Variants in MAGI1 observed in about 807,000 individuals in gnomAD.
The protein encoded by MAGI1 is membrane associated guanylate kinase, WW and PDZ domain containing 1.
Under a neutral mutation model 139.9 loss-of-function variants are expected in MAGI1, and 58 were observed. The ratio of observed to expected loss-of-function variants is 0.41; its 90% CI spans 0.34 to 0.52. The LOEUF (loss-of-function observed/expected upper bound fraction) is 0.52, where lower values mean the gene tolerates loss of function less well. Ranked by LOEUF, MAGI1 falls within the 20% of genes least tolerant of loss-of-function variation. MAGI1 has a pLI of 0.12. For synonymous variants in MAGI1, 812 were observed against 737.9 expected (o/e 1.10, Z -1.63); for missense variants, 1,874 against 1,901.6 (o/e 0.99, Z 0.27).
intron 1 of MAGI1, among the ~76,000 whole-genome samples, chr3:65,992,453 A>G (rs1195584299): frequency 3.5e-5 from 2 of 57,944 alleles, no homozygotes; most frequent in Non-Finnish European, 8.1e-5. Context: ...CCTGAGCAAA[A>G]AACAGTGAAC....
At chr3:65,854,174 T>C (rs922356200) in intron 1 of MAGI1, among the ~76,000 whole-genome samples, 3 of 113,072 alleles carry the variant, frequency 2.7e-5, no homozygotes, top group African/African-American at 1.1e-4. Flanking sequence ...TATTTAAAGG[T>C]TTAAAAAAAA....
chr3:65,714,254 C>A (rs996563652), intron 1 of MAGI1, among the ~76,000 whole-genome samples: 1 of 152,162 alleles, frequency 6.6e-6, no homozygotes, highest in Non-Finnish European at 1.5e-5. Context: ...ATGGCCCTGA[C>A]CCCTGAATGT....
chr3:65,604,865 A>C (rs890792991), intron 2 of MAGI1, among the ~76,000 whole-genome samples: 1 of 152,214 alleles, frequency 6.6e-6, no homozygotes, highest in African/African-American at 2.4e-5. Flanking sequence ...CAGATGTGGA[A>C]CATTTTCCTT....
At chr3:65,974,463 C>T (rs530180207) in intron 1 of MAGI1, among the ~76,000 whole-genome samples, 1 of 151,536 alleles carries the variant, frequency 6.6e-6, no homozygotes, top group East Asian at 1.9e-4. Context: ...CTTATGTTGC[C>T]AGTTTGTATC....
At chr3:65,939,119 C>T (rs928669921) in intron 1 of MAGI1, among the ~76,000 whole-genome samples, 4 of 152,118 alleles carry the variant, frequency 2.6e-5, no homozygotes, top group African/African-American at 7.2e-5. Flanking sequence ...TTTGAACTAA[C>T]ATGGATTATG....
intron 1 of MAGI1, among the ~76,000 whole-genome samples, chr3:65,752,893 C>T (rs957387435): frequency 6.6e-6 from 1 of 152,158 alleles, no homozygotes; most frequent in Non-Finnish European, 1.5e-5. Context: ...AGTCATTTTC[C>T]ACCCACTGAC....
chr3:65,651,550 A>G (rs9838258), intron 1 of MAGI1, among the ~76,000 whole-genome samples: 8,961 of 152,154 alleles, frequency 0.059, 882 homozygotes, highest in African/African-American at 0.2. Flanking sequence ...CCTGCACATT[A>G]AGCCCACTTT....
At chr3:65,624,880 T>C (rs1184841206) in intron 1 of MAGI1, among the ~76,000 whole-genome samples, 1 of 152,138 alleles carries the variant, frequency 6.6e-6, no homozygotes, top group Non-Finnish European at 1.5e-5. Context: ...AATATAATAT[T>C]TTCTTTTTTT....
rs80159211 is a variant in MAGI1 at position 65,982,915 on chromosome 3, T to C, written c.313+55081A>G. Among the ~76,000 whole-genome samples, 19 of 152,200 alleles carry C rather than the reference T, an allele frequency of 1.2e-4. No homozygotes were observed. The East Asian group carries it at 3.7e-3, about 29-fold the overall frequency. ...TGTTTCTTAACAGTAAGGAAAATGATTTTTTATTTTTTTATTTTTCTAAAG... is the reference window on the plus strand; with the variant it reads ...TGTTTCTTAACAGTAAGGAAAATGACTTTTTATTTTTTTATTTTTCTAAAG... On this transcript the variant is annotated intron_variant, in intron 1 of 22. Transcript: ENST00000402939.
intron 1 of MAGI1, among the ~76,000 whole-genome samples, chr3:65,702,230 G>A (rs888722151): frequency 6.6e-6 from 1 of 152,102 alleles, no homozygotes; most frequent in Non-Finnish European, 1.5e-5. Context: ...AGCTTATAAG[G>A]CCTCACCCTA....
chr3:65,997,383 G>A (rs759310985), intron 1 of MAGI1, among the ~76,000 whole-genome samples: 13 of 152,290 alleles, frequency 8.5e-5, no homozygotes, highest in Non-Finnish European at 1.6e-4. Flanking sequence ...TCAGCCAGGC[G>A]CGGTGGCTCA....
chr3:65,485,880 G>A (rs1316283581), intron 3 of MAGI1, among the ~76,000 whole-genome samples: 1 of 152,112 alleles, frequency 6.6e-6, no homozygotes, highest in Non-Finnish European at 1.5e-5. Context: ...GAATATTTGG[G>A]GATCTCTAAG....
At chr3:65,652,669 C>T (rs2085650688) in intron 1 of MAGI1, among the ~76,000 whole-genome samples, 1 of 152,120 alleles carries the variant, frequency 6.6e-6, no homozygotes, top group Non-Finnish European at 1.5e-5. Flanking sequence ...GGTTTGCAAA[C>T]CCAATAGAAT....
intron 2 of MAGI1, among the ~76,000 whole-genome samples, chr3:65,608,210 G>A (rs145370850): frequency 3.9e-5 from 6 of 152,296 alleles, no homozygotes; most frequent in Admixed American, 1.3e-4. Context: ...GGGAGGGTGA[G>A]ACAGGCGGAT....
At chr3:65,600,808 A>G (rs1166360746) in intron 2 of MAGI1, among the ~76,000 whole-genome samples, 1 of 152,256 alleles carries the variant, frequency 6.6e-6, no homozygotes, top group African/African-American at 2.4e-5. Flanking sequence ...AGAAATGTTT[A>G]GGAATCACAA....
chr3:65,892,691 G>C (rs571756160), intron 1 of MAGI1, among the ~76,000 whole-genome samples: 1 of 152,210 alleles, frequency 6.6e-6, no homozygotes, highest in East Asian at 1.9e-4. Context: ...CTTACCTGGG[G>C]CACTTAATCA....
At chr3:65,548,987 C>A (rs932596038) in intron 2 of MAGI1, among the ~76,000 whole-genome samples, 1 of 152,310 alleles carries the variant, frequency 6.6e-6, no homozygotes, top group South Asian at 2.1e-4. Flanking sequence ...GTAAACTGTA[C>A]TTCAAGGGAC....
chr3:65,737,241 G>A (rs769647723), intron 1 of MAGI1, among the ~76,000 whole-genome samples: 2 of 152,118 alleles, frequency 1.3e-5, no homozygotes, highest in Non-Finnish European at 2.9e-5. Flanking sequence ...TCCTGACCTC[G>A]TGATCCACCT....
chr3:66,028,568 C>T (rs2068422449), intron 1 of MAGI1, among the ~76,000 whole-genome samples: 1 of 151,850 alleles, frequency 6.6e-6, no homozygotes, highest in Non-Finnish European at 1.5e-5. Flanking sequence ...GACGTGGTAC[C>T]AGGAAGATGA....
Sources: allele counts gnomAD v4.1 joint callset (sites outside exome capture counted in the v4.1 genomes callset), GRCh38; gene constraint gnomAD v4.1.1; transcripts MANE v1.5; gene names NCBI Gene and HGNC (gene_info 2026-07-23, HGNC 2026-07-21).